EVA1C: variants seen among roughly 807,000 people sequenced by gnomAD.
EVA1C encodes the protein eva-1 homolog C.
EVA1C carries 25 observed loss-of-function variants against 45.4 expected under a neutral mutation model. The ratio of observed to expected loss-of-function variants is 0.55; its 90% confidence interval spans 0.40 to 0.77. EVA1C has a LOEUF of 0.77. EVA1C is among the 30% of genes least tolerant of loss of function. EVA1C has a pLI of 0.00. For synonymous variants in EVA1C, 190 were observed against 221.2 expected, an observed-to-expected ratio of 0.86 and a Z score of 1.25; for missense variants, 479 against 554.8, an observed-to-expected ratio of 0.86 and a Z score of 1.37.
chr21:32,412,595 C>A (rs191144716), upstream of EVA1C: 1,678 of 377,304 alleles, frequency 4.4e-3, 27 homozygotes, highest in East Asian at 0.044. Flanking sequence ...ACGGCGGCAA[C>A]GGAGATTTCC....
At chr21:32,501,572 A>G (rs749667202) in intron 6 of EVA1C, 77 bp downstream of exon 6, 11 of 1,560,454 alleles carry the variant, frequency 7.0e-6, no homozygotes, top group Non-Finnish European at 9.5e-6. Context: ...AGTTGGGCAC[A>G]CCTTGGTTAG....
chr21:32,443,824 C>G (rs545197183), intron 1 of EVA1C, among the ~76,000 whole-genome samples: 2 of 152,304 alleles, frequency 1.3e-5, no homozygotes, highest in African/African-American at 4.8e-5. Context: ...ATCCAGTGAA[C>G]CAACTTCCCA....
intron 4 of EVA1C, among the ~76,000 whole-genome samples, chr21:32,482,688 C>A (rs1206794860): frequency 6.6e-6 from 1 of 152,144 alleles, no homozygotes; most frequent in Non-Finnish European, 1.5e-5. Context: ...AATGGGAGAT[C>A]CAGGCACAAA....
Position 32,504,119 on chromosome 21 carries a change from G to A in EVA1C, c.949+104G>A, listed in dbSNP as rs1328799076. On this transcript the variant is annotated intron_variant, in intron 7 of 7. Transcript: ENST00000300255. ...AGCACTCAGATAACTAAAGGACGAT[G>A]ACTTCAAGTTTAACATGCCAACCAC... 6.3e-6 allele frequency: 5 copies of A among 799,494 alleles called. No individual in the cohort carries two copies. The African/African-American group carries it at 7.0e-5, about 11-fold the overall frequency. The allele number at this position is 799,494 out of a possible 1,614,324, so 49.5% of individuals were successfully genotyped here.
In EVA1C at chr21:32,444,053, A is replaced by AACACACACACACACACAC. The variant is rs60086580; in HGVS notation, c.161-9237_161-9220dup. Among the ~76,000 whole-genome samples the AACACACACACACACACAC allele has an allele frequency of 1.4e-4, 20 of 140,038 alleles. No homozygotes were observed. In the East Asian group the frequency reaches 3.7e-3, roughly 26 times the overall value. 91.9% of individuals were successfully genotyped at this position (140,038 alleles called of 152,430 possible). On this transcript the variant is annotated intron_variant, in intron 1 of 7. Coordinates refer to ENST00000300255, the MANE Select transcript of EVA1C (RefSeq NM_058187.5). ...CCACTTCTGACACCAATTGTGTGAA[A>AACACACACACACACACAC]ACACACACACACACACACACACACA...
intron 4 of EVA1C, among the ~76,000 whole-genome samples, chr21:32,477,371 C>T (rs756836750): frequency 1.3e-5 from 2 of 152,142 alleles, no homozygotes; most frequent in African/African-American, 4.8e-5. Context: ...AATGTGAATT[C>T]GTTTTCTAGT....
chr21:32,491,887 T>C (rs116374977), intron 4 of EVA1C, among the ~76,000 whole-genome samples: 241 of 151,876 alleles, frequency 1.6e-3, no homozygotes, highest in African/African-American at 5.7e-3. Flanking sequence ...AAGACAATCA[T>C]TGCACATGGC....
At chr21:32,414,337 G>A (rs2033954643) in intron 1 of EVA1C, among the ~76,000 whole-genome samples, 1 of 152,078 alleles carries the variant, frequency 6.6e-6, no homozygotes, top group African/African-American at 2.4e-5. Flanking sequence ...TTTCTTGGCT[G>A]CTAGAAAAGC....
chr21:32,434,882 C>T (rs752814153), intron 1 of EVA1C, among the ~76,000 whole-genome samples: 168 of 152,390 alleles, frequency 1.1e-3, no homozygotes, highest in Non-Finnish European at 8.1e-4. Flanking sequence ...CTTGTGGTAC[C>T]TTGTTATAGC....
At chr21:32,437,336 C>T (rs1259874385) in intron 1 of EVA1C, among the ~76,000 whole-genome samples, 3 of 152,170 alleles carry the variant, frequency 2.0e-5, no homozygotes, top group Non-Finnish European at 2.9e-5. Flanking sequence ...TCACACCCTT[C>T]CCCACTGCTG....
At chr21:32,494,517 T>C (rs577320755) in intron 4 of EVA1C, among the ~76,000 whole-genome samples, 53 of 152,300 alleles carry the variant, frequency 3.5e-4, no homozygotes, top group African/African-American at 1.2e-3. Flanking sequence ...GTGCGGTGGC[T>C]CACACCTGTA....
Position 32,415,256 on chromosome 21 carries a change from T to G in EVA1C, c.160+2243T>G, listed in dbSNP as rs7279364. 6.6e-3 allele frequency among the ~76,000 whole-genome samples: 1,009 copies of G among 152,302 alleles called. 8 individuals are homozygous for G. The highest frequency in any genetic ancestry group is 0.023 in the African/African-American group (955 of 41,564). On this transcript the variant is annotated intron_variant, in intron 1 of 7. Transcript: ENST00000300255. ...CCTCCCCTGCAGAGCCTGATCACAA[T>G]AACCAGGGCTAGAGAGCAGTGTTTG... is the stretch of plus-strand genomic sequence containing the variant.
rs1231224762 is a variant in EVA1C at position 32,495,059 on chromosome 21, T to C, written c.667T>C (p.Ser223Pro). The change falls in exon 5 of 8, where the codon TCC becomes CCC. Residue 223 changes from serine to proline, a missense_variant. This residue lies in a region of EVA1C where 366 missense variants were observed against 426.1 expected (regional missense o/e 0.86). Transcript: ENST00000300255. Reference sequence around the variant, plus strand: ...GTCTTACTCAGCTTTGCAAGTCCTATCCCGAAGGTGCTATGGGAAGCAGAG... The same window carrying C: ...GTCTTACTCAGCTTTGCAAGTCCTACCCCGAAGGTGCTATGGGAAGCAGAG... ...CLSYSALQVL[S>P]RRCYGKQRCK... The C allele has an allele frequency of 1.6e-5, 26 of 1,614,024 alleles. No homozygotes were observed. Among genetic ancestry groups the C allele is most frequent in the Non-Finnish European group, 2.1e-5 (25 of 1,180,040 alleles).
Position 32,466,940 on chromosome 21 carries a change from C to T in EVA1C, c.482-756C>T, listed in dbSNP as rs1225192700. 1.7e-4 allele frequency among the ~76,000 whole-genome samples: 26 copies of T among 151,828 alleles called. 1 individual carries two copies. Among genetic ancestry groups the T allele is most frequent in the Non-Finnish European group, 3.1e-4 (21 of 67,986 alleles). ...CCTCCCACCCAAAATGCTGGGATTA[C>T]GGGTGTGAGCCACTGTGCCCGGCCT... On this transcript the variant is annotated intron_variant, in intron 3 of 7. Coordinates refer to ENST00000300255, the MANE Select transcript of EVA1C (RefSeq NM_058187.5).
chr21:32,491,000 T>C (rs2037135650), intron 4 of EVA1C, among the ~76,000 whole-genome samples: 1 of 152,186 alleles, frequency 6.6e-6, no homozygotes, highest in South Asian at 2.1e-4. Flanking sequence ...GAGCAGGAGC[T>C]CCCTGTCTAG....
At chr21:32,476,641 CAAAAT>C (rs1340528430) in intron 4 of EVA1C, among the ~76,000 whole-genome samples, 1 of 151,858 alleles carries the variant, frequency 6.6e-6, no homozygotes, top group Non-Finnish European at 1.5e-5. Context: ...AACTCCGTCT[CAAAAT>C]AATAATAATA....
At chr21:32,424,436 C>A (rs2034410033) in intron 1 of EVA1C, among the ~76,000 whole-genome samples, 1 of 152,048 alleles carries the variant, frequency 6.6e-6, no homozygotes, top group Non-Finnish European at 1.5e-5. Context: ...TGAAGAAATT[C>A]ACATAATTTT....
intron 1 of EVA1C, among the ~76,000 whole-genome samples, chr21:32,415,457 C>T (rs1163564304): frequency 4.6e-5 from 7 of 152,154 alleles, no homozygotes; most frequent in Non-Finnish European, 7.4e-5. Context: ...ATATAGGCCC[C>T]TTTCTCCCCC....
chr21:32,460,791 G>A (rs1011998905), intron 3 of EVA1C, among the ~76,000 whole-genome samples: 4 of 149,242 alleles, frequency 2.7e-5, no homozygotes, highest in Non-Finnish European at 5.9e-5. Flanking sequence ...CATTGCCCAG[G>A]CTGGAGTGTA....
Sources: allele counts gnomAD v4.1 joint callset (sites outside exome capture counted in the v4.1 genomes callset), GRCh38; gene constraint gnomAD v4.1.1; regional missense constraint gnomAD v4.1.1; transcripts MANE v1.5; gene names NCBI Gene and HGNC (gene_info 2026-07-23, HGNC 2026-07-21).